Variants in LDB2 observed in about 807,000 individuals in gnomAD.
LDB2 encodes LIM domain binding 2.
LDB2 carries 12 observed loss-of-function variants against 44.3 expected under a neutral mutation model. That is an observed-to-expected ratio of 0.27 (90% CI 0.17 to 0.44). The LOEUF (loss-of-function observed/expected upper bound fraction) is 0.44. Among genes scored for constraint, LDB2 ranks in the 20% least tolerant of loss-of-function variants. LDB2 has a pLI of 1.00. For missense variants in LDB2, 344 were observed against 473.5 expected, an observed-to-expected ratio of 0.73 and a Z score of 2.54; for synonymous variants, 164 against 174.8, an observed-to-expected ratio of 0.94 and a Z score of 0.49.
At chr4:16,896,812 C>T (rs1232912376) in intron 1 of LDB2, among the ~76,000 whole-genome samples, 1 of 152,158 alleles carries the variant, frequency 6.6e-6, no homozygotes, top group Admixed American at 6.5e-5. Flanking sequence ...GATTCCAACA[C>T]ACAGTTGCAA....
At chr4:16,511,301 T>C (rs1721642865) in intron 6 of LDB2, among the ~76,000 whole-genome samples, 1 of 152,134 alleles carries the variant, frequency 6.6e-6, no homozygotes, top group Non-Finnish European at 1.5e-5. Context: ...GTATATTAGA[T>C]AGGAAGACAA....
At chr4:16,625,133 T>G (rs1381099436) in intron 2 of LDB2, among the ~76,000 whole-genome samples, 2 of 152,226 alleles carry the variant, frequency 1.3e-5, no homozygotes, top group Non-Finnish European at 2.9e-5. Flanking sequence ...TCATGCTATT[T>G]TCTCTGCATC....
At chr4:16,536,624 C>CAA (rs1553886272) in intron 5 of LDB2, among the ~76,000 whole-genome samples, 4 of 152,160 alleles carry the variant, frequency 2.6e-5, no homozygotes, top group Non-Finnish European at 5.9e-5. Flanking sequence ...TTTTCTCACT[C>CAA]AACAGGAAGT....
At chr4:16,571,995 C>G (rs1023748266) in intron 5 of LDB2, among the ~76,000 whole-genome samples, 1 of 152,112 alleles carries the variant, frequency 6.6e-6, no homozygotes, top group Non-Finnish European at 1.5e-5. Flanking sequence ...GTAATAGTTG[C>G]TGTCTTTAAA....
chr4:16,765,653 G>A (rs538230169), intron 1 of LDB2, among the ~76,000 whole-genome samples: 1 of 152,258 alleles, frequency 6.6e-6, no homozygotes, highest in South Asian at 2.1e-4. Context: ...CTAAACAGAT[G>A]ATAAGGCCCT....
At chr4:16,671,163 C>T (rs370697933) in intron 2 of LDB2, among the ~76,000 whole-genome samples, 8 of 151,234 alleles carry the variant, frequency 5.3e-5, no homozygotes, top group African/African-American at 1.9e-4. Context: ...ATTTGTTTAA[C>T]TCCCTCTTAA....
chr4:16,781,764 T>A (rs1158537880), intron 1 of LDB2, among the ~76,000 whole-genome samples: 1 of 152,114 alleles, frequency 6.6e-6, no homozygotes, highest in African/African-American at 2.4e-5. Context: ...AATTTGAAAA[T>A]AGGGTCCTTG....
chr4:16,879,854 A>G (rs1222495712), intron 1 of LDB2, among the ~76,000 whole-genome samples: 1 of 152,148 alleles, frequency 6.6e-6, no homozygotes, highest in African/African-American at 2.4e-5. Flanking sequence ...CCAATTTAAC[A>G]TCTCCATGAA....
rs12509736 is a variant in LDB2 at position 16,660,358 on chromosome 4, A to G, written c.236-64483T>C. Among the ~76,000 whole-genome samples the G allele has an allele frequency of 7.6e-3, 1,152 of 152,294 alleles. 43 individuals are homozygous for G. The highest frequency in any genetic ancestry group is 0.058 in the Admixed American group (883 of 15,290). ...AGGTTCACAGGCTCACTGAAACTCA[A>G]TGTCCATACTTAGAAATAAGGGTAA... is the stretch of plus-strand genomic sequence containing the variant. On this transcript the variant is annotated intron_variant, in intron 2 of 7. Transcript: ENST00000304523.
intron 2 of LDB2, among the ~76,000 whole-genome samples, chr4:16,599,294 G>C (rs1496746): frequency 2.6e-5 from 4 of 152,226 alleles, no homozygotes; most frequent in Admixed American, 2.6e-4. Flanking sequence ...TCATCATCTA[G>C]AGGATGTTCA....
At chr4:16,503,030 A>G in intron 7 of LDB2, 157 bp from the exon 8 acceptor site, 2 of 1,556,078 alleles carry the variant, frequency 1.3e-6, no homozygotes, top group African/African-American at 1.4e-5. Flanking sequence ...CGCATATTTG[A>G]TTTCTACAGG....
intron 5 of LDB2, among the ~76,000 whole-genome samples, chr4:16,570,307 C>CAA (rs536052698): frequency 6.6e-6 from 1 of 150,452 alleles, no homozygotes; most frequent in African/African-American, 2.4e-5. Context: ...ACTAAAAATA[C>CAA]AAAAAATTAG....
intron 5 of LDB2, among the ~76,000 whole-genome samples, chr4:16,562,303 T>C (rs1350457063): frequency 6.6e-6 from 1 of 151,668 alleles, no homozygotes; most frequent in Non-Finnish European, 1.5e-5. Context: ...TGGGAGAAAA[T>C]TTTCACAACC....
intron 1 of LDB2, among the ~76,000 whole-genome samples, chr4:16,893,779 G>GT (rs1724115450): frequency 6.6e-6 from 1 of 151,018 alleles, no homozygotes; most frequent in Non-Finnish European, 1.5e-5. Context: ...CTTTTCTGGT[G>GT]TTTATGGTAT....
Position 16,502,539 on chromosome 4 carries a change from T to G in LDB2, c.*104A>C, listed in dbSNP as rs1717785414. 7.0e-7 allele frequency: 1 copy of G among 1,420,536 alleles called. No individual in the cohort carries two copies. Among genetic ancestry groups the G allele is most frequent in the African/African-American group, 1.4e-5 (1 of 69,588 alleles). The allele number at this position is 1,420,536 out of a possible 1,614,324, so 88.0% of individuals were successfully genotyped here. Reference sequence around the variant, plus strand: ...TGTGGTTTAGAAATAGATATTTGCATGGAAAAGTTTTTATCTCTTCTGTTT... The same window carrying G: ...TGTGGTTTAGAAATAGATATTTGCAGGGAAAAGTTTTTATCTCTTCTGTTT... On this transcript the variant is annotated 3_prime_UTR_variant, in exon 8 of 8. Coordinates refer to ENST00000304523, the MANE Select transcript of LDB2 (RefSeq NM_001290.5).
intron 1 of LDB2, among the ~76,000 whole-genome samples, chr4:16,851,597 A>G (rs1359000304): frequency 1.3e-5 from 2 of 148,624 alleles, no homozygotes; most frequent in African/African-American, 2.4e-5. Flanking sequence ...CTTGTCTCCA[A>G]AAAAAAAAAA....
At position 16,685,462 on chromosome 4, in the gene LDB2, C is replaced by A. The variant is rs1749003258; in HGVS notation, c.235+73696G>T. Among the ~76,000 whole-genome samples, 4 of 152,038 alleles carry A rather than the reference C, an allele frequency of 2.6e-5. No homozygotes were observed. In the South Asian group the frequency reaches 8.3e-4, roughly 32 times the overall value. ...TAACTGCTCTAGAAAAAACCTTTGACTTGACTCAGAGGACACGGTGAGATG... is the reference window on the plus strand; with the variant it reads ...TAACTGCTCTAGAAAAAACCTTTGAATTGACTCAGAGGACACGGTGAGATG... On this transcript the variant is annotated intron_variant, in intron 2 of 7. Transcript: ENST00000304523.
rs143950913 is a variant in LDB2, at chr4:16,863,656, C to CTTTTTTTT, written c.132+34690_132+34697dup. 4.0e-4 allele frequency among the ~76,000 whole-genome samples: 37 copies of CTTTTTTTT among 91,920 alleles called. 1 individual carries two copies. Among genetic ancestry groups the CTTTTTTTT allele is most frequent in the East Asian group, 3.5e-3 (9 of 2,566 alleles). The allele number at this position is 91,920 out of a possible 152,430, so 60.3% of individuals were successfully genotyped here. The stretch of plus-strand genomic sequence containing the variant: ...ACCTCCTCCACCAGACTCACATTCT[C>CTTTTTTTT]TTTTTTTTTTTTTTTTTTTTTTGAG... On this transcript the variant is annotated intron_variant, in intron 1 of 7. Coordinates refer to ENST00000304523, the MANE Select transcript of LDB2 (RefSeq NM_001290.5).
intron 1 of LDB2, among the ~76,000 whole-genome samples, chr4:16,800,085 C>T (rs1009822991): frequency 2.6e-5 from 4 of 151,778 alleles, no homozygotes; most frequent in African/African-American, 7.3e-5. Flanking sequence ...ACGAGAGTGG[C>T]GGAGCTGGGA....
Sources: gnomAD v4.1 joint callset for allele counts (sites outside exome capture counted in the v4.1 genomes callset) on GRCh38, gnomAD v4.1.1 for gene constraint, MANE v1.5 for transcripts, NCBI Gene and HGNC (gene_info 2026-07-23, HGNC 2026-07-21) for gene names.